The following ERC2 variants were observed in gnomAD, a reference collection of about 807,000 sequenced individuals.
ERC2 encodes the protein ELKS/RAB6-interacting/CAST family member 2, also known as ERC protein 2.
Under a neutral mutation model 114.8 loss-of-function variants are expected in ERC2, and 42 were observed. The observed-to-expected ratio is 0.37, with a 90% CI of 0.29 to 0.47. ERC2 has a LOEUF of 0.47. Among genes scored for constraint, ERC2 ranks in the 20% least tolerant of loss-of-function variants. ERC2 has a pLI of 0.99. For synonymous variants in ERC2, 454 were observed against 425.5 expected (o/e 1.07, Z -0.82); for missense variants, 939 against 1,150.7 (o/e 0.82, Z 2.66).
At chr3:56,303,626 G>C (rs950582550) in intron 2 of ERC2, among the ~76,000 whole-genome samples, 23 of 152,236 alleles carry the variant, frequency 1.5e-4, no homozygotes, top group Admixed American at 1.3e-3. Flanking sequence ...CCAAGGGAGG[G>C]GTTGTGGGAG....
chr3:55,625,358 C>T (rs892693452), intron 17 of ERC2, among the ~76,000 whole-genome samples: 1 of 116,694 alleles, frequency 8.6e-6, no homozygotes, highest in Admixed American at 1.1e-4. Flanking sequence ...CACAGTGAGA[C>T]TCCGACTCAA....
At chr3:56,409,750 C>G (rs1417383299) in intron 2 of ERC2, among the ~76,000 whole-genome samples, 1 of 152,180 alleles carries the variant, frequency 6.6e-6, no homozygotes, top group African/African-American at 2.4e-5. Flanking sequence ...ATCTTCAACT[C>G]CCTGACCCCC....
chr3:56,184,915 C>A (rs1398679371), intron 3 of ERC2, among the ~76,000 whole-genome samples: 1 of 152,158 alleles, frequency 6.6e-6, no homozygotes, highest in Non-Finnish European at 1.5e-5. Context: ...CTTCAACCAG[C>A]TTTGCACTAC....
chr3:55,943,458 G>GT (rs143036716), intron 13 of ERC2, among the ~76,000 whole-genome samples: 14,278 of 149,468 alleles, frequency 0.096, 923 homozygotes, highest in East Asian at 0.24. Context: ...CTGAGGAAGC[G>GT]TTTTTTTTTT....
intron 14 of ERC2, among the ~76,000 whole-genome samples, chr3:55,794,484 G>A (rs752399006): frequency 2.6e-5 from 4 of 152,146 alleles, no homozygotes; most frequent in Non-Finnish European, 5.9e-5. Context: ...CACATGTGAA[G>A]ACTTGGTTTT....
intron 3 of ERC2, chr3:56,185,169 G>T (rs567487566): frequency 8.5e-5 from 13 of 152,314 alleles, no homozygotes; most frequent in African/African-American, 3.1e-4. Flanking sequence ...GCAATATTGG[G>T]CCTGGTTAGT....
At chr3:55,745,427 T>C (rs570948937) in intron 14 of ERC2, among the ~76,000 whole-genome samples, 2 of 152,294 alleles carry the variant, frequency 1.3e-5, no homozygotes, top group Admixed American at 6.5e-5. Context: ...AAAAATATTT[T>C]AAAAAATTGG....
intron 14 of ERC2, among the ~76,000 whole-genome samples, chr3:55,744,834 T>A (rs1400158926): frequency 6.6e-6 from 1 of 152,234 alleles, no homozygotes; most frequent in Non-Finnish European, 1.5e-5. Context: ...CTGGACAACT[T>A]GCAGTCAAGA....
At chr3:56,245,174 T>C (rs1314462854) in intron 3 of ERC2, among the ~76,000 whole-genome samples, 1 of 150,596 alleles carries the variant, frequency 6.6e-6, no homozygotes, top group African/African-American at 2.4e-5. Flanking sequence ...TACTGTATTA[T>C]AAATTAAATA....
intron 3 of ERC2, among the ~76,000 whole-genome samples, chr3:56,226,707 A>G (rs1331477098): frequency 6.6e-6 from 1 of 152,184 alleles, no homozygotes; most frequent in African/African-American, 2.4e-5. Flanking sequence ...ACTGGTGGCC[A>G]GGGAGAAAGA....
intron 17 of ERC2, among the ~76,000 whole-genome samples, chr3:55,558,150 A>G (rs553153839): frequency 2.6e-5 from 4 of 152,326 alleles, no homozygotes; most frequent in Non-Finnish European, 4.4e-5. Context: ...CTGCCTAGTC[A>G]CAGTTGCAAG....
At chr3:55,573,614 TG>T (rs1326951930) in intron 17 of ERC2, among the ~76,000 whole-genome samples, 1 of 152,168 alleles carries the variant, frequency 6.6e-6, no homozygotes, top group Non-Finnish European at 1.5e-5. Context: ...ACAATTTTTA[TG>T]ACTTTCTTTT....
intron 13 of ERC2, among the ~76,000 whole-genome samples, chr3:55,909,634 T>C (rs938103591): frequency 2.0e-5 from 3 of 151,150 alleles, no homozygotes; most frequent in African/African-American, 7.3e-5. Context: ...TGGGAGGGAG[T>C]GTGTCAGCAA....
intron 3 of ERC2, among the ~76,000 whole-genome samples, chr3:56,209,048 C>T (rs2048903855): frequency 6.6e-6 from 1 of 152,132 alleles, no homozygotes; most frequent in African/African-American, 2.4e-5. Context: ...CTCTGCTGAA[C>T]CCCTTCAAAG....
chr3:55,619,364 C>G (rs1349243957), intron 17 of ERC2, among the ~76,000 whole-genome samples: 1 of 152,174 alleles, frequency 6.6e-6, no homozygotes, highest in Non-Finnish European at 1.5e-5. Context: ...AAGCAGGGTT[C>G]CAATCCAAAG....
chr3:55,889,216 G>C (rs1290181953), intron 13 of ERC2, among the ~76,000 whole-genome samples: 1 of 152,154 alleles, frequency 6.6e-6, no homozygotes, highest in Non-Finnish European at 1.5e-5. Context: ...ATGTGTTTCA[G>C]ATTCAGTCAC....
chr3:56,035,393 T>G (rs2074723912), intron 7 of ERC2, among the ~76,000 whole-genome samples: 2 of 152,170 alleles, frequency 1.3e-5, no homozygotes, highest in African/African-American at 2.4e-5. Flanking sequence ...ACCAAACGTT[T>G]AAAGAATTAA....
intron 6 of ERC2, among the ~76,000 whole-genome samples, chr3:56,089,868 T>C (rs899525573): frequency 6.6e-6 from 1 of 152,176 alleles, no homozygotes; most frequent in Admixed American, 6.5e-5. Flanking sequence ...GAAGCTTTCA[T>C]GGACATGAAG....
intron 7 of ERC2, among the ~76,000 whole-genome samples, chr3:56,030,926 T>A (rs982987783): frequency 6.6e-6 from 1 of 151,318 alleles, no homozygotes; most frequent in East Asian, 1.9e-4. Flanking sequence ...GAAAAGAGAG[T>A]GAAATGAGCA....
Sources: allele counts gnomAD v4.1 joint callset (sites outside exome capture counted in the v4.1 genomes callset), GRCh38; gene constraint gnomAD v4.1.1; transcripts MANE v1.5; gene names NCBI Gene and HGNC (gene_info 2026-07-23, HGNC 2026-07-21).